The following SUSD4 variants were observed in gnomAD, a reference collection of about 807,000 sequenced individuals.
SUSD4 encodes the protein sushi domain containing 4, also known as sushi domain-containing protein 4.
SUSD4 carries 41 observed loss-of-function variants against 50.5 expected under a neutral mutation model. That is an observed-to-expected ratio of 0.81 (90% CI 0.63 to 1.05). SUSD4 has a LOEUF of 1.05. Ranked by LOEUF, SUSD4 falls within the 50% of genes least tolerant of loss-of-function variation. The pLI, the probability that SUSD4 is intolerant of heterozygous loss-of-function variation, is 0.00. For synonymous variants in SUSD4, 257 were observed against 257.3 expected, an observed-to-expected ratio of 1.00 and a Z score of 0.01; for missense variants, 580 against 634.7, an observed-to-expected ratio of 0.91 and a Z score of 0.93.
chr1:223,310,952 C>T (rs1356604742), intron 2 of SUSD4, among the ~76,000 whole-genome samples: 2 of 152,118 alleles, frequency 1.3e-5, no homozygotes, highest in Non-Finnish European at 2.9e-5. Context: ...TTTAGTGCCC[C>T]CTCTAAATCA....
chr1:223,249,431 C>T (rs540339210), intron 5 of SUSD4, among the ~76,000 whole-genome samples: 1 of 152,328 alleles, frequency 6.6e-6, no homozygotes, highest in Non-Finnish European at 1.5e-5. Flanking sequence ...GACACACATA[C>T]ATTCATGTAT....
intron 5 of SUSD4, among the ~76,000 whole-genome samples, chr1:223,234,371 G>A (rs1472539302): frequency 2.6e-5 from 4 of 152,178 alleles, no homozygotes; most frequent in Non-Finnish European, 4.4e-5. Context: ...AGCCTTCCCT[G>A]AGTGCACAGG....
chr1:223,360,432 C>T, intron 2 of SUSD4: 1 of 267,208 alleles, frequency 3.7e-6, no homozygotes, highest in South Asian at 3.8e-5. Flanking sequence ...GTCTCAGTGG[C>T]CCCAAATGAG....
At chr1:223,296,352 T>C (rs959150825) in intron 2 of SUSD4, among the ~76,000 whole-genome samples, 27 of 152,042 alleles carry the variant, frequency 1.8e-4, no homozygotes, top group African/African-American at 6.3e-4. Flanking sequence ...TGTGCTCAGA[T>C]TAACAGAACA....
At position 223,223,430 on chromosome 1, in the gene SUSD4, G is replaced by A; in HGVS notation, c.1263C>T (p.Asp421=). Reference sequence around the variant, plus strand: ...AGGTTTCTGACTCCCCTGGGCCTGTGTCCGTGTCCCCTGAGCCGGGGTATG... The same window carrying A: ...AGGTTTCTGACTCCCCTGGGCCTGTATCCGTGTCCCCTGAGCCGGGGTATG... ...PPAYPGSGDT[D]TGPGESETCD... is the part of the protein sequence containing the mutation. Residue 421 remains aspartate (D), a synonymous_variant, in exon 8 of 9, where the codon GAC becomes GAT. Coordinates refer to ENST00000366878, the MANE Select transcript of SUSD4 (RefSeq NM_017982.4). 1 of 1,614,010 alleles carries A rather than the reference G, an allele frequency of 6.2e-7. No individual in the cohort carries two copies.
chr1:223,263,125 C>T (rs1263160329), intron 5 of SUSD4, among the ~76,000 whole-genome samples: 1 of 152,122 alleles, frequency 6.6e-6, no homozygotes, highest in Non-Finnish European at 1.5e-5. Context: ...TTGATAAAAT[C>T]GTAACAACGA....
In SUSD4 at chr1:223,268,376, G is replaced by A. The variant is rs145153670; in HGVS notation, c.535+126C>T. ...AGTAAAGATGCAACTGGATCCATGT[G>A]GGGTAGATGGCTTTGTTCATTTCGC... is the stretch of plus-strand genomic sequence containing the variant. On this transcript the variant is annotated intron_variant, in intron 4 of 8. Coordinates refer to ENST00000366878, the MANE Select transcript of SUSD4 (RefSeq NM_017982.4). The A allele has an allele frequency of 9.1e-3, 11,401 of 1,252,708 alleles. 49 individuals are homozygous for A. Among genetic ancestry groups the A allele is most frequent in the Middle Eastern group, 0.014 (68 of 4,776 alleles). 77.6% of individuals were successfully genotyped at this position (1,252,708 alleles called of 1,614,324 possible).
intron 2 of SUSD4, 75 bp from the exon 3 acceptor site, chr1:223,292,726 C>T: frequency 6.0e-6 from 9 of 1,489,862 alleles, no homozygotes; most frequent in Non-Finnish European, 7.3e-6. Flanking sequence ...ACATAAATGG[C>T]AGACCCTGCA....
chr1:223,346,019 C>T (rs1668012090), intron 2 of SUSD4, among the ~76,000 whole-genome samples: 1 of 152,186 alleles, frequency 6.6e-6, no homozygotes. Context: ...CACCCTAGGG[C>T]AGGGTTGCTC....
At chr1:223,353,098 C>T (rs932292464) in intron 2 of SUSD4, among the ~76,000 whole-genome samples, 1 of 152,180 alleles carries the variant, frequency 6.6e-6, no homozygotes, top group South Asian at 2.1e-4. Flanking sequence ...TTCCTCTCAA[C>T]ACCACAAGGA....
chr1:223,309,985 C>T (rs561449065), intron 2 of SUSD4, among the ~76,000 whole-genome samples: 68 of 152,316 alleles, frequency 4.5e-4, no homozygotes, highest in Admixed American at 2.2e-3. Flanking sequence ...GACAGGACCA[C>T]GGCGTGCCTG....
At chr1:223,237,071 T>C (rs1660270222) in intron 5 of SUSD4, among the ~76,000 whole-genome samples, 1 of 152,060 alleles carries the variant, frequency 6.6e-6, no homozygotes. Flanking sequence ...ACATATTTTG[T>C]TAGATTTGTG....
In SUSD4 at chr1:223,221,462, C is replaced by CTGGTGATATGTT; in HGVS notation, c.*729_*730insAACATATCACCA. 1 of 192,638 alleles carries CTGGTGATATGTT rather than the reference C, an allele frequency of 5.2e-6. No homozygotes were observed. The highest frequency in any genetic ancestry group is 1.1e-5 in the Non-Finnish European group (1 of 94,840). The allele number at this position is 192,638 out of a possible 1,614,324, so 11.9% of individuals were successfully genotyped here. On this transcript the variant is annotated 3_prime_UTR_variant, in exon 9 of 9. Coordinates refer to ENST00000366878, the MANE Select transcript of SUSD4 (RefSeq NM_017982.4). ...CCCAATGCCATGGATCCATGTGCCA[C>CTGGTGATATGTT]ACCATGAATACAAACACTGATGATA...
upstream of SUSD4, among the ~76,000 whole-genome samples, chr1:223,364,389 G>A (rs1669197633): frequency 6.8e-6 from 1 of 147,330 alleles, no homozygotes; most frequent in Non-Finnish European, 1.5e-5. The surrounding 1 kb of genome is among the most constrained non-coding windows in gnomAD (Gnocchi z 4.5). Context: ...GGGACGGGGC[G>A]AGGGGTGCGC....
chr1:223,315,033 T>C (rs1178402514), intron 2 of SUSD4, among the ~76,000 whole-genome samples: 1 of 152,260 alleles, frequency 6.6e-6, no homozygotes, highest in Non-Finnish European at 1.5e-5. Flanking sequence ...ATTTATATTT[T>C]CTATACTAGA....
chr1:223,270,814 G>A (rs1296357959), intron 3 of SUSD4, among the ~76,000 whole-genome samples: 1 of 152,024 alleles, frequency 6.6e-6, no homozygotes, highest in African/African-American at 2.4e-5. Context: ...TGATCCCTTG[G>A]CATCCCAACG....
intron 5 of SUSD4, among the ~76,000 whole-genome samples, chr1:223,251,279 T>C (rs1221559904): frequency 6.6e-6 from 1 of 152,206 alleles, no homozygotes; most frequent in Non-Finnish European, 1.5e-5. Context: ...CTTATAATCA[T>C]GGCAGAAGGC....
chr1:223,270,657 C>T (rs965908734), intron 3 of SUSD4, among the ~76,000 whole-genome samples: 5 of 152,288 alleles, frequency 3.3e-5, no homozygotes, highest in African/African-American at 1.2e-4. Flanking sequence ...GCAACCTCCA[C>T]CTCGCAGGTC....
At chr1:223,234,973 G>T (rs1178582436) in intron 5 of SUSD4, 1 of 1,589,586 alleles carries the variant, frequency 6.3e-7, no homozygotes, top group Non-Finnish European at 8.5e-7. Flanking sequence ...ATGTGGTGGT[G>T]CTAGTTGAGG....
Sources: gnomAD v4.1 joint callset for allele counts (sites outside exome capture counted in the v4.1 genomes callset) on GRCh38, gnomAD v4.1.1 for gene constraint, Gnocchi (gnomAD v3.1) non-coding constraint, MANE v1.5 for transcripts, NCBI Gene and HGNC (gene_info 2026-07-23, HGNC 2026-07-21) for gene names.